Variants in GPANK1 observed in about 807,000 individuals in gnomAD.
GPANK1 encodes G patch domain and ankyrin repeat-containing protein 1.
In GPANK1, 22 loss-of-function variants were observed where a neutral mutation model predicts 24.0. The observed-to-expected ratio is 0.92, with a 90% CI of 0.66 to 1.31. The LOEUF (loss-of-function observed/expected upper bound fraction) is 1.31, where lower values mean the gene tolerates loss of function less well. GPANK1 is among the 50% of genes most tolerant of loss of function. The pLI is 0.00. For missense variants in GPANK1, 469 were observed against 453.5 expected, an observed-to-expected ratio of 1.03 and a Z score of -0.31; for synonymous variants, 174 against 177.4, an observed-to-expected ratio of 0.98 and a Z score of 0.15.
chr6:31,664,567 G>T lies in GPANK1; in HGVS notation c.-89C>A. ...TCGTGGTGACCCTGTAGCAACCACA[G>T]CCTCAGAGACCTGCTGGGATGAGAA... On this transcript the variant is annotated 5_prime_UTR_variant, in exon 2 of 3. The change creates a new upstream start codon in the 5' untranslated region. Coordinates refer to ENST00000375896, the MANE Select transcript of GPANK1 (RefSeq NM_033177.4). The T allele has an allele frequency of 9.9e-7, 1 of 1,009,652 alleles. No individual in the cohort carries two copies. Among genetic ancestry groups the T allele is most frequent in the African/African-American group, 1.6e-5 (1 of 62,106 alleles). The allele number at this position is 1,009,652 out of a possible 1,614,324, so 62.5% of individuals were successfully genotyped here.
chr6:31,662,456 T>TC lies in GPANK1; in HGVS notation c.880dup (p.Glu294GlyfsTer87). The stretch of plus-strand genomic sequence containing the variant: ...GGGTGCTGATCTGTAGCCTAGTCCT[T>TC]CCTGGTCCCTCTTGAGGACAGTGGG... On this transcript the variant is annotated frameshift_variant, in exon 3 of 3. Coordinates refer to ENST00000375896, the MANE Select transcript of GPANK1 (RefSeq NM_033177.4). LOFTEE classifies it high-confidence loss of function. The surrounding 1 kb of genome is among the most constrained non-coding windows in gnomAD (Gnocchi z 5.5). 1 of 1,611,724 alleles carries TC rather than the reference T, an allele frequency of 6.2e-7. No homozygotes were observed. Among genetic ancestry groups the TC allele is most frequent in the South Asian group, 1.1e-5 (1 of 90,962 alleles).
In GPANK1 at chr6:31,662,089, C is replaced by T. The variant is rs1800929389; in HGVS notation, c.*177G>A. 1 of 438,518 alleles carries T rather than the reference C, an allele frequency of 2.3e-6. No homozygotes were observed. The highest frequency in any genetic ancestry group is 4.0e-6 in the Non-Finnish European group (1 of 247,522). The allele number at this position is 438,518 out of a possible 1,614,324, so 27.2% of individuals were successfully genotyped here. ...AATAGCTTCCAGAAAAGTGAATAAA[C>T]CACAAATGGTTGATTTATTTCTGAC... On this transcript the variant is annotated 3_prime_UTR_variant, in exon 3 of 3. Coordinates refer to ENST00000375896, the MANE Select transcript of GPANK1 (RefSeq NM_033177.4). This position sits in a 1 kb window ranked among gnomAD's most constrained non-coding sequence, Gnocchi z 5.5.
upstream of GPANK1, chr6:31,665,459 C>G (rs777399982): frequency 1.1e-5 from 18 of 1,569,590 alleles, 1 homozygote; most frequent in Admixed American, 7.5e-5. Context: ...TGGAGAAGTG[C>G]AAAGGGACGA....
rs1178866279 is a variant in GPANK1 at position 31,662,332 on chromosome 6, T to C, written c.1005A>G (p.Arg335=). 14 of 1,602,970 alleles carry C rather than the reference T, an allele frequency of 8.7e-6. No homozygotes were observed. The highest frequency in any genetic ancestry group is 1.7e-4 in the Middle Eastern group (1 of 6,026). The change falls in exon 3 of 3, where the codon AGA becomes AGG. Residue 335 remains arginine (R), a synonymous_variant. Transcript: ENST00000375896. The surrounding 1 kb of genome is among the most constrained non-coding windows in gnomAD (Gnocchi z 5.5). ...RVATLSWREE[R]RREEKDRAWE... is the part of the protein sequence containing the mutation. ...AAGCCCTGTCTTTCTCCTCCCTCCTTCTCTCCTCCCTCCAGCTCAGTGTGG... is the reference window on the plus strand; with the variant it reads ...AAGCCCTGTCTTTCTCCTCCCTCCTCCTCTCCTCCCTCCAGCTCAGTGTGG...
intron 1 of GPANK1, 44 bp from the exon 2 acceptor site, chr6:31,664,621 T>A: frequency 7.8e-6 from 5 of 637,038 alleles, no homozygotes; most frequent in South Asian, 2.0e-5. Flanking sequence ...TTCCTGCCAC[T>A]AAAGTAACCC....
At position 31,662,682 on chromosome 6, in the gene GPANK1, C is replaced by T. The variant is rs371330139; in HGVS notation, c.655G>A (p.Glu219Lys). 1.1e-4 allele frequency: 171 copies of T among 1,607,682 alleles called. No individual in the cohort carries two copies. Among genetic ancestry groups the T allele is most frequent in the Non-Finnish European group, 1.4e-4 (163 of 1,176,282 alleles). ...RSPTPSLQYC[E>K]NCDTHFQDSN... ...TCTTGGAAGTGGGTGTCACAGTTCT[C>T]GCAGTACTGGAGGGAGGGAGTAGGA... Residue 219 changes from glutamate to lysine, a missense_variant, in exon 3 of 3, where the codon GAG becomes AAG. Coordinates refer to ENST00000375896, the MANE Select transcript of GPANK1 (RefSeq NM_033177.4). The surrounding 1 kb of genome is among the most constrained non-coding windows in gnomAD (Gnocchi z 5.5).
rs967703919 is a variant in GPANK1 at position 31,661,994 on chromosome 6, G to C, written c.*272C>G. 7 of 382,732 alleles carry C rather than the reference G, an allele frequency of 1.8e-5. No individual in the cohort carries two copies. The highest frequency in any genetic ancestry group is 3.2e-5 in the Non-Finnish European group (7 of 215,850). The allele number at this position is 382,732 out of a possible 1,614,324, so 23.7% of individuals were successfully genotyped here. A position where few individuals can be genotyped will look rare whatever the true frequency, so the allele number is the denominator to read the frequency against. On this transcript the variant is annotated 3_prime_UTR_variant, in exon 3 of 3. Transcript: ENST00000375896. ...GGGAGGTGACCTTATCATGCCACCT[G>C]GAGAGGCTGCCCCTTCTGACTCAGG... is the stretch of plus-strand genomic sequence containing the variant.
At chr6:31,665,105 G>A (rs1562037375), upstream of GPANK1, 2 of 382,002 alleles carry the variant, frequency 5.2e-6, no homozygotes, top group Admixed American at 7.5e-5. Context: ...TTGAGGGCTC[G>A]GGCGTGCGCA....
chr6:31,665,007 A>C, upstream of GPANK1: 1 of 257,356 alleles, frequency 3.9e-6, no homozygotes, highest in Non-Finnish European at 7.7e-6. Context: ...CGCCATTCTA[A>C]TCAGAAGAGT....
At chr6:31,664,742 T>C in intron 1 of GPANK1, 99 bp downstream of exon 1, 1 of 499,032 alleles carries the variant, frequency 2.0e-6, no homozygotes, top group East Asian at 3.2e-5. Context: ...TCCATGAGAC[T>C]GTTGTCCAGA....
Position 31,664,442 on chromosome 6 carries a change from T to G in GPANK1, c.37A>C (p.Thr13Pro), listed in dbSNP as rs765826829. The change falls in exon 2 of 3, where the codon ACT (threonine) becomes CCT (proline). Residue 13 changes from threonine (T) to proline (P), a missense_variant. Thr to Pro is a conservative substitution (Grantham distance 38). Transcript: ENST00000375896. ...TCCTTCCAGAGGTCGCTGGGGTCAGTGGCTGGGGTGAAGGTGATGAGCAAG... is the reference window on the plus strand; with the variant it reads ...TCCTTCCAGAGGTCGCTGGGGTCAGGGGCTGGGGTGAAGGTGATGAGCAAG... ...RPLLITFTPA[T>P]DPSDLWKDGQ... 1 of 1,613,904 alleles carries G rather than the reference T, an allele frequency of 6.2e-7. No individual in the cohort carries two copies. The highest frequency in any genetic ancestry group is 1.1e-5 in the South Asian group (1 of 91,076).
chr6:31,664,144 G>A lies in GPANK1; in HGVS notation c.335C>T (p.Ala112Val), dbSNP rs35265780. 5.2e-3 allele frequency: 8,400 copies of A among 1,614,204 alleles called. 40 individuals are homozygous for A. The highest frequency in any genetic ancestry group is 0.017 in the African/African-American group (1,308 of 75,066). ...AAGTTCTGGCAGGTCCCCCTCCTGG[G>A]CTGCCCTCAGTATCCGGTGAGTCAT... is the stretch of plus-strand genomic sequence containing the variant. Reference protein sequence around the residue: ...DKMTHRILRAAQEGDLPELRR... With the variant: ...DKMTHRILRAVQEGDLPELRR... Residue 112 changes from alanine (A) to valine (V), a missense_variant, in exon 2 of 3, where the codon GCC becomes GTC. Physicochemically the swap from Ala to Val is moderately conservative, Grantham distance 64. Coordinates refer to ENST00000375896, the MANE Select transcript of GPANK1 (RefSeq NM_033177.4).
At chr6:31,665,824 C>G, upstream of GPANK1, 1 of 1,217,962 alleles carries the variant, frequency 8.2e-7, no homozygotes. Context: ...GAGCACAAAA[C>G]TGTATTGCCC....
upstream of GPANK1, chr6:31,665,201 G>A (rs1583588565): frequency 1.9e-6 from 1 of 534,396 alleles, no homozygotes; most frequent in Non-Finnish European, 3.4e-6. Context: ...CGAGCACTAG[G>A]ATCTGTCGGT....
chr6:31,663,225 A>AAG (rs1236508514), intron 2 of GPANK1: 1 of 144,904 alleles, frequency 6.9e-6, no homozygotes, highest in African/African-American at 2.6e-5. Flanking sequence ...CTTTGTCTCA[A>AAG]AAAAAAAAAA....
At chr6:31,665,850 G>T, upstream of GPANK1, 1 of 1,146,856 alleles carries the variant, frequency 8.7e-7, no homozygotes, top group Non-Finnish European at 1.1e-6. Context: ...CCCGGGCCCC[G>T]AACGCCATAC....
rs1487147370 is a variant in GPANK1 at position 31,661,997 on chromosome 6, G to A, written c.*269C>T. 2.6e-6 allele frequency: 1 copy of A among 385,816 alleles called. No individual in the cohort carries two copies. The allele number at this position is 385,816 out of a possible 1,614,324, so 23.9% of individuals were successfully genotyped here. ...AGGTGACCTTATCATGCCACCTGGA[G>A]AGGCTGCCCCTTCTGACTCAGGTGG... On this transcript the variant is annotated 3_prime_UTR_variant, in exon 3 of 3. Coordinates refer to ENST00000375896, the MANE Select transcript of GPANK1 (RefSeq NM_033177.4).
upstream of GPANK1, chr6:31,665,497 A>G (rs771450384): frequency 5.1e-6 from 8 of 1,562,364 alleles, no homozygotes; most frequent in Admixed American, 1.9e-5. Context: ...ACCTCAGGTT[A>G]GCGCACTGGG....
rs1376274732 is a variant in GPANK1 at position 31,662,799 on chromosome 6, G to A, written c.627-89C>T. On this transcript the variant is annotated intron_variant, in intron 2 of 2. Transcript: ENST00000375896. The surrounding 1 kb of genome is among the most constrained non-coding windows in gnomAD (Gnocchi z 5.5). ...AGAGGGGGCTGGCAGGGTAGAATAG[G>A]ATCTTTTCAGCTTTTCTGCTAAGGA... 4 of 792,658 alleles carry A rather than the reference G, an allele frequency of 5.0e-6. No individual in the cohort carries two copies. The African/African-American group carries it at 5.3e-5, about 10-fold the overall frequency. 49.1% of individuals were successfully genotyped at this position (792,658 alleles called of 1,614,324 possible).
Sources: gnomAD v4.1 joint callset for allele counts on GRCh38, gnomAD v4.1.1 for gene constraint, Gnocchi (gnomAD v3.1) non-coding constraint, MANE v1.5 for transcripts, NCBI Gene and HGNC (gene_info 2026-07-23, HGNC 2026-07-21) for gene names.